The following ARHGAP33 variants were observed in gnomAD, a reference collection of about 807,000 sequenced individuals.
ARHGAP33 encodes the protein Rho GTPase activating protein 33.
In ARHGAP33, 57 loss-of-function variants were observed where a neutral mutation model predicts 126.2. The ratio of observed to expected loss-of-function variants is 0.45; its 90% CI spans 0.36 to 0.56. The LOEUF is 0.56. Among genes scored for constraint, ARHGAP33 ranks in the 20% least tolerant of loss-of-function variants. The pLI is 0.00. For missense variants in ARHGAP33, 1,500 were observed against 1,748.3 expected (o/e 0.86, Z 2.53); for synonymous variants, 711 against 755.0 (o/e 0.94, Z 0.95).
At chr19:35,779,644 G>A (rs927156757) in intron 6 of ARHGAP33, among the ~76,000 whole-genome samples, 8 of 151,978 alleles carry the variant, frequency 5.3e-5, no homozygotes, top group African/African-American at 1.9e-4. Context: ...GGTCAGACTG[G>A]TCTCAAACTC....
At chr19:35,784,338 A>G in intron 16 of ARHGAP33, 21 bp downstream of exon 16, 2 of 1,539,238 alleles carry the variant, frequency 1.3e-6, no homozygotes, top group Non-Finnish European at 1.8e-6. Context: ...CCACCCCCTG[A>G]GGTCCTGGCT....
chr19:35,783,755 A>G (rs1971931271), intron 15 of ARHGAP33, among the ~76,000 whole-genome samples: 1 of 152,048 alleles, frequency 6.6e-6, no homozygotes, highest in African/African-American at 2.4e-5. Flanking sequence ...CAGGGCTCTG[A>G]GCCAGGCGGG....
rs767221449 is a variant in ARHGAP33, at chr19:35,786,462, T to C, written c.1992T>C (p.Ala664=). The change falls in exon 20 of 21, where the codon GCT becomes GCC. Residue 664 remains alanine (A), a synonymous_variant. Transcript: ENST00000007510. This position sits in a 1 kb window ranked among gnomAD's most constrained non-coding sequence, Gnocchi z 7.0. The stretch of plus-strand genomic sequence containing the variant: ...GGCGACCCCACTCCAGCAGCGACGC[T>C]TTCCCTGTGGGCCCAGCACCTGCTG... The part of the protein sequence containing the change: ...RLRRPHSSSD[A]FPVGPAPAGS... The C allele has an allele frequency of 2.6e-6, 4 of 1,535,780 alleles. No individual in the cohort carries two copies. The South Asian group carries it at 4.8e-5, about 18-fold the overall frequency.
At position 35,780,072 on chromosome 19, in the gene ARHGAP33, G is replaced by A. The variant is rs12610190; in HGVS notation, c.502-139G>A. 3.1e-5 allele frequency: 38 copies of A among 1,208,058 alleles called. No homozygotes were observed. The South Asian group carries it at 4.3e-4, about 14-fold the overall frequency. The allele number at this position is 1,208,058 out of a possible 1,614,324, so 74.8% of individuals were successfully genotyped here. On this transcript the variant is annotated intron_variant, in intron 6 of 20. Coordinates refer to ENST00000007510, the MANE Select transcript of ARHGAP33 (RefSeq NM_001366178.1). ...CTGCATCCCTACAAACAGGAATCTA[G>A]GTGTTTGACCAATAGCTCTGAGTGA...
chr19:35,777,851 G>A lies in ARHGAP33; in HGVS notation c.132G>A (p.Pro44=), dbSNP rs762214134. ...KRLSAPRGPF[P]RLADCAHFHY... Reference sequence around the variant, plus strand: ...TCTCAGCTCCTCGAGGCCCCTTCCCGCGGCTGGCTGACTGCGCCCATTTCC... The same window carrying A: ...TCTCAGCTCCTCGAGGCCCCTTCCCACGGCTGGCTGACTGCGCCCATTTCC... The change falls in exon 3 of 21, where the codon CCG becomes CCA. Residue 44 remains proline (P), a synonymous_variant. Coordinates refer to ENST00000007510, the MANE Select transcript of ARHGAP33 (RefSeq NM_001366178.1). The A allele has an allele frequency of 2.0e-5, 33 of 1,614,082 alleles. No homozygotes were observed. Among genetic ancestry groups the A allele is most frequent in the South Asian group, 9.9e-5 (9 of 91,092 alleles).
chr19:35,785,471 G>C lies in ARHGAP33; in HGVS notation c.1930G>C (p.Ala644Pro). 1 of 1,614,196 alleles carries C rather than the reference G, an allele frequency of 6.2e-7. No individual in the cohort carries two copies. Among genetic ancestry groups the C allele is most frequent in the East Asian group, 2.2e-5 (1 of 44,882 alleles). The change falls in exon 19 of 21, where the codon GCC (alanine) becomes CCC (proline). Residue 644 changes from alanine (A) to proline (P), a missense_variant. Ala to Pro is a conservative substitution (Grantham distance 27, BLOSUM62 -1). Coordinates refer to ENST00000007510, the MANE Select transcript of ARHGAP33 (RefSeq NM_001366178.1). ...AKSEESLSSQ[A>P]SGAGLQRLHR... ...GAGCGAGGAGTCTCTGTCATCGCAG[G>C]CCAGCGGGGCTGGTGAGCAAGGCGG...
Position 35,787,088 on chromosome 19 carries a change from A to T in ARHGAP33, c.2602+16A>T, listed in dbSNP as rs775492472. The stretch of plus-strand genomic sequence containing the variant: ...GGCCCACTCGGTGAGTCCTCAGCCT[A>T]CCCCACCCCTGTCCCCGCCAGCTGT... On this transcript the variant is annotated intron_variant, in intron 20 of 20. Transcript: ENST00000007510. 78 of 1,595,932 alleles carry T rather than the reference A, an allele frequency of 4.9e-5. No individual in the cohort carries two copies. The highest frequency in any genetic ancestry group is 7.0e-5 in the Admixed American group (4 of 57,032).
At position 35,786,128 on chromosome 19, in the gene ARHGAP33, T is replaced by G; in HGVS notation, c.1943-285T>G. On this transcript the variant is annotated intron_variant, in intron 19 of 20. Transcript: ENST00000007510. This position sits in a 1 kb window ranked among gnomAD's most constrained non-coding sequence, Gnocchi z 7.0. Reference sequence around the variant, plus strand: ...CGCCATCCTCACACTCCTGGGGTACTGCCCTCCCACATACCCAGGAGCCCA... The same window carrying G: ...CGCCATCCTCACACTCCTGGGGTACGGCCCTCCCACATACCCAGGAGCCCA... 1 of 1,316,886 alleles carries G rather than the reference T, an allele frequency of 7.6e-7. No homozygotes were observed. Among genetic ancestry groups the G allele is most frequent in the Non-Finnish European group, 9.7e-7 (1 of 1,034,922 alleles). 81.6% of individuals were successfully genotyped at this position (1,316,886 alleles called of 1,614,324 possible).
In ARHGAP33 at chr19:35,787,578, G is replaced by A. The variant is rs1972188819; in HGVS notation, c.3013G>A (p.Ala1005Thr). The change falls in exon 21 of 21, where the codon GCA (alanine) becomes ACA (threonine). Residue 1005 changes from alanine (A) to threonine (T), a missense_variant. Transcript: ENST00000007510. ...GPAQVSAQLR[A>T]GGGGRDAPEA... ...TGCCCAGGTCAGTGCCCAGCTCAGG[G>A]CAGGTGGCGGGGGCAGGGATGCGCC... 1 of 1,609,396 alleles carries A rather than the reference G, an allele frequency of 6.2e-7. No homozygotes were observed. The highest frequency in any genetic ancestry group is 8.5e-7 in the Non-Finnish European group (1 of 1,178,646).
At chr19:35,778,918 G>T in intron 5 of ARHGAP33, 114 bp from the exon 6 acceptor site, 2 of 895,570 alleles carry the variant, frequency 2.2e-6, no homozygotes, top group Non-Finnish European at 3.6e-6. Flanking sequence ...CAGCTGAGCA[G>T]CACCCATGTG....
rs775758693 is a variant in ARHGAP33 at position 35,787,704 on chromosome 19, G to T, written c.3139G>T (p.Val1047Phe). ...GGAGTGCCTGCCACCCTTCCTCGGGGTCCCCAAGCCAGGCTTGTACCCCCT... is the reference window on the plus strand; with the variant it reads ...GGAGTGCCTGCCACCCTTCCTCGGGTTCCCCAAGCCAGGCTTGTACCCCCT... ...PRECLPPFLG[V>F]PKPGLYPLGP... The change falls in exon 21 of 21, where the codon GTC becomes TTC. Residue 1047 changes from valine (V) to phenylalanine (F), a missense_variant. Around this residue, in one of 6 missense-constraint regions of ARHGAP33, gnomAD observed 642 missense variants for 634.0 expected, o/e 1.01. Coordinates refer to ENST00000007510, the MANE Select transcript of ARHGAP33 (RefSeq NM_001366178.1). 8.8e-6 allele frequency: 14 copies of T among 1,593,208 alleles called. No homozygotes were observed. In the South Asian group the frequency reaches 1.0e-4, roughly 12 times the overall value.
chr19:35,788,449 G>A lies in ARHGAP33; in HGVS notation c.*20G>A, dbSNP rs753881930. Reference sequence around the variant, plus strand: ...TGCTGAGCACCAGCTGGGAGGGGCCGTCCTTCCTTCCCTTCACCCTCACTG... The same window carrying A: ...TGCTGAGCACCAGCTGGGAGGGGCCATCCTTCCTTCCCTTCACCCTCACTG... On this transcript the variant is annotated 3_prime_UTR_variant, in exon 21 of 21. Transcript: ENST00000007510. 54 of 1,505,154 alleles carry A rather than the reference G, an allele frequency of 3.6e-5. No homozygotes were observed. In the African/African-American group the frequency reaches 6.5e-4, roughly 18 times the overall value. 93.2% of individuals were successfully genotyped at this position (1,505,154 alleles called of 1,614,324 possible). A position where few individuals can be genotyped will look rare whatever the true frequency, so the allele number is the denominator to read the frequency against.
At position 35,782,256 on chromosome 19, in the gene ARHGAP33, TG is replaced by T; in HGVS notation, c.1086-113del. ...CCTCTGAAGAGCCCAGTGTAGGACC[TG>T]GGGAAGAGGGTTCCATCCACCTGCG... On this transcript the variant is annotated intron_variant, in intron 12 of 20. Transcript: ENST00000007510. This position sits in a 1 kb window ranked among gnomAD's most constrained non-coding sequence, Gnocchi z 4.1. 8.3e-7 allele frequency: 1 copy of T among 1,205,476 alleles called. No individual in the cohort carries two copies. Among genetic ancestry groups the T allele is most frequent in the Non-Finnish European group, 1.2e-6 (1 of 848,400 alleles). The allele number at this position is 1,205,476 out of a possible 1,614,324, so 74.7% of individuals were successfully genotyped here.
Position 35,786,296 on chromosome 19 carries a change from T to C in ARHGAP33, c.1943-117T>C. ...CACTGTCAATCTGAACAGCTCTTCC[T>C]GGCTTCACACTACTGTGGCCCTCTC... On this transcript the variant is annotated intron_variant, in intron 19 of 20. Transcript: ENST00000007510. This position sits in a 1 kb window ranked among gnomAD's most constrained non-coding sequence, Gnocchi z 7.0. The C allele has an allele frequency of 7.0e-7, 1 of 1,437,224 alleles. No individual in the cohort carries two copies. The highest frequency in any genetic ancestry group is 9.1e-7 in the Non-Finnish European group (1 of 1,100,080). The allele number at this position is 1,437,224 out of a possible 1,614,324, so 89.0% of individuals were successfully genotyped here.
chr19:35,787,030 C>G lies in ARHGAP33; in HGVS notation c.2560C>G (p.Gln854Glu). Residue 854 changes from glutamine (Q) to glutamate (E), a missense_variant, in exon 20 of 21, where the codon CAG becomes GAG. This residue lies in a region of ARHGAP33 where 642 missense variants were observed against 634.0 expected (regional missense o/e 1.01). Transcript: ENST00000007510. ...GGCCCCGCTGACTGACGCCTGCCAG[C>G]AGGAGATGTGCAGCAAGCTCCGGGG... ...AEAPLTDACQ[Q>E]EMCSKLRGAQ... is the part of the protein sequence containing the mutation. 6.2e-7 allele frequency: 1 copy of G among 1,609,040 alleles called. No individual in the cohort carries two copies. The highest frequency in any genetic ancestry group is 8.5e-7 in the Non-Finnish European group (1 of 1,177,616).
chr19:35,780,275 C>T lies in ARHGAP33; in HGVS notation c.566C>T (p.Ala189Val), dbSNP rs1363584324. Reference sequence around the variant, plus strand: ...GCGTCACTCAATATCCCTGCAGTGGCGGCCGCCCATGTGATCAAACGGTAT... The same window carrying T: ...GCGTCACTCAATATCCCTGCAGTGGTGGCCGCCCATGTGATCAAACGGTAT... ...EEASLNIPAV[A>V]AAHVIKRYTA... Residue 189 changes from alanine to valine, a missense_variant, in exon 7 of 21, where the codon GCG becomes GTG. Physicochemically the swap from Ala to Val is moderately conservative, Grantham distance 64. Coordinates refer to ENST00000007510, the MANE Select transcript of ARHGAP33 (RefSeq NM_001366178.1). The T allele has an allele frequency of 6.2e-7, 1 of 1,613,828 alleles. No individual in the cohort carries two copies. Among genetic ancestry groups the T allele is most frequent in the Non-Finnish European group, 8.5e-7 (1 of 1,180,018 alleles).
intron 17 of ARHGAP33, 28 bp from the exon 18 acceptor site, chr19:35,785,160 CG>C: frequency 1.3e-6 from 2 of 1,577,642 alleles, no homozygotes; most frequent in Non-Finnish European, 1.7e-6. Context: ...GTTCCTCAGA[CG>C]GCCTCCTGTT....
chr19:35,781,340 T>C (rs966010500), intron 12 of ARHGAP33, 88 bp downstream of exon 12: 4 of 1,340,568 alleles, frequency 3.0e-6, no homozygotes, highest in Non-Finnish European at 4.3e-6. Context: ...GGGACACAGT[T>C]ACCAGGAGTC....
chr19:35,782,985 T>C lies in ARHGAP33; in HGVS notation c.1421+116T>C, dbSNP rs1599788561. On this transcript the variant is annotated intron_variant, in intron 15 of 20. Coordinates refer to ENST00000007510, the MANE Select transcript of ARHGAP33 (RefSeq NM_001366178.1). This position sits in a 1 kb window ranked among gnomAD's most constrained non-coding sequence, Gnocchi z 4.1. ...ATACGTGTCTATCAAATACCTCCCA[T>C]GGACCTGGCCCCGTCCCTAGCACTG... The C allele has an allele frequency of 1.1e-6, 1 of 901,522 alleles. No individual in the cohort carries two copies. Among genetic ancestry groups the C allele is most frequent in the East Asian group, 2.7e-5 (1 of 37,708 alleles). The allele number at this position is 901,522 out of a possible 1,614,324, so 55.8% of individuals were successfully genotyped here.
Sources: gnomAD v4.1 joint callset for allele counts (sites outside exome capture counted in the v4.1 genomes callset) on GRCh38, gnomAD v4.1.1 for gene constraint, gnomAD v4.1.1 regional missense constraint, Gnocchi (gnomAD v3.1) non-coding constraint, MANE v1.5 for transcripts, NCBI Gene and HGNC (gene_info 2026-07-23, HGNC 2026-07-21) for gene names.